MYO18B: variants seen among roughly 807,000 people sequenced by gnomAD.
The protein encoded by MYO18B is myosin XVIIIB.
In MYO18B, 204 loss-of-function variants were observed where a neutral mutation model predicts 273.0. The ratio of observed to expected loss-of-function variants is 0.75; its 90% CI spans 0.67 to 0.84. The LOEUF is 0.84. Among genes scored for constraint, MYO18B ranks in the 40% least tolerant of loss-of-function variants. The probability of loss-of-function intolerance (pLI) is 0.00; values close to 1 mark genes in which losing one functional copy is unlikely to be tolerated. For synonymous variants in MYO18B, 1,330 were observed against 1,305.7 expected, an observed-to-expected ratio of 1.02 and a Z score of -0.40; for missense variants, 3,212 against 3,287.6, an observed-to-expected ratio of 0.98 and a Z score of 0.56.
intron 7 of MYO18B, 30 bp from the exon 8 acceptor site, chr22:25,777,553 G>A (rs1040226538): frequency 1.3e-6 from 2 of 1,555,876 alleles, no homozygotes; most frequent in Non-Finnish European, 1.7e-6. Flanking sequence ...TGGCTGGATG[G>A]GATGGCTGAT....
At chr22:25,758,767 T>TC (rs940053047) in intron 1 of MYO18B, among the ~76,000 whole-genome samples, 3 of 151,730 alleles carry the variant, frequency 2.0e-5, no homozygotes, top group Non-Finnish European at 4.4e-5. Context: ...AGAATTTTTT[T>TC]TTTTTTTGGA....
intron 21 of MYO18B, among the ~76,000 whole-genome samples, chr22:25,860,217 T>A (rs2090691239): frequency 6.6e-6 from 1 of 152,216 alleles, no homozygotes; most frequent in Non-Finnish European, 1.5e-5. Flanking sequence ...TAGCATCTCT[T>A]TCTTTCTGCC....
chr22:25,748,027 T>C (rs539475575), intron 1 of MYO18B, among the ~76,000 whole-genome samples: 1 of 151,998 alleles, frequency 6.6e-6, no homozygotes, highest in Admixed American at 6.6e-5. Flanking sequence ...CTTTGCAGAG[T>C]GAAATGTCCA....
At chr22:26,023,897 G>A (rs137955894) in intron 42 of MYO18B, among the ~76,000 whole-genome samples, 127 of 152,310 alleles carry the variant, frequency 8.3e-4, no homozygotes, top group African/African-American at 3.0e-3. Context: ...CAATGAAGTT[G>A]ACAAATATAC....
chr22:26,034,985 G>A (rs1307400874), downstream of MYO18B, among the ~76,000 whole-genome samples: 3 of 152,214 alleles, frequency 2.0e-5, no homozygotes, highest in Admixed American at 1.3e-4. Flanking sequence ...ATGGTTTACT[G>A]TGGGGGACGG....
chr22:25,918,040 C>A (rs1156420307), intron 33 of MYO18B, among the ~76,000 whole-genome samples: 4 of 152,186 alleles, frequency 2.6e-5, no homozygotes, highest in Non-Finnish European at 5.9e-5. Context: ...TAAATGAGGT[C>A]TATATTATTT....
chr22:25,891,372 AATT>A lies in MYO18B; in HGVS notation c.4504_4506del (p.Ile1502del), dbSNP rs1302271189. The A allele has an allele frequency of 3.2e-6, 5 of 1,585,536 alleles. No individual in the cohort carries two copies. Among genetic ancestry groups the A allele is most frequent in the Non-Finnish European group, 4.3e-6 (5 of 1,165,742 alleles). On this transcript the variant is annotated inframe_deletion, in exon 27 of 44. Transcript: ENST00000335473. ...AACAGTTGGAAGAAGCCCAGCAGAA[AATT>A]CAGTTGAATGACTTGGAAAGGAATC... is the stretch of plus-strand genomic sequence containing the variant.
chr22:25,806,176 G>A (rs1019742532), intron 12 of MYO18B, among the ~76,000 whole-genome samples: 1 of 152,212 alleles, frequency 6.6e-6, no homozygotes, highest in African/African-American at 2.4e-5. Flanking sequence ...GCCCTGGAAT[G>A]GAGGTGCGAT....
rs367818164 is a variant in MYO18B, at chr22:25,992,401, C to A, written c.6195C>A (p.Thr2065=). The stretch of plus-strand genomic sequence containing the variant: ...AGGAACTTGCAGCAGTGAGGCAAAC[C>A]CTCCAGACAGACCTGGAGACATCCA... ...YVEELAAVRQ[T]LQTDLETSIR... is the part of the protein sequence containing the mutation. Residue 2065 remains threonine (T), a synonymous_variant, in exon 40 of 44, where the codon ACC becomes ACA. Transcript: ENST00000335473. 5.0e-6 allele frequency: 8 copies of A among 1,614,010 alleles called. No individual in the cohort carries two copies. Among genetic ancestry groups the A allele is most frequent in the Middle Eastern group, 1.6e-4 (1 of 6,062 alleles).
rs80021221 is a variant in MYO18B, at chr22:25,936,284, A to G, written c.5518-9853A>G. Among the ~76,000 whole-genome samples the G allele has an allele frequency of 6.4e-3, 973 of 152,324 alleles. 12 individuals are homozygous for G. Among genetic ancestry groups the G allele is most frequent in the African/African-American group, 0.022 (897 of 41,568 alleles). ...TCACCAGAGAGGAAGTCAGGATAGA[A>G]GCTTTTGAAGTCTGTTCAGTGGTGG... On this transcript the variant is annotated intron_variant, in intron 34 of 43. Coordinates refer to ENST00000335473, the MANE Select transcript of MYO18B (RefSeq NM_032608.7).
intron 39 of MYO18B, among the ~76,000 whole-genome samples, chr22:25,979,608 T>G (rs1385473418): frequency 6.6e-6 from 1 of 152,172 alleles, no homozygotes; most frequent in African/African-American, 2.4e-5. Flanking sequence ...TTTGCCCCTT[T>G]CTGAGGATGC....
At chr22:25,930,193 T>G (rs1331432537) in intron 34 of MYO18B, among the ~76,000 whole-genome samples, 1 of 152,164 alleles carries the variant, frequency 6.6e-6, no homozygotes, top group Non-Finnish European at 1.5e-5. Flanking sequence ...GCCCTCTTGG[T>G]CCTCCATGGG....
intron 43 of MYO18B, among the ~76,000 whole-genome samples, 153 bp from the exon 44 acceptor site, chr22:26,030,290 T>C (rs1936597311): frequency 6.6e-6 from 1 of 152,170 alleles, no homozygotes; most frequent in African/African-American, 2.4e-5. Context: ...AGCAGGAAGA[T>C]CACTTGAACC....
rs1771024172 is a variant in MYO18B, at chr22:25,766,759, G to A, written c.199-1356G>A. Among the ~76,000 whole-genome samples the A allele has an allele frequency of 2.6e-5, 4 of 152,210 alleles. No individual in the cohort carries two copies. The South Asian group carries it at 8.3e-4, about 31-fold the overall frequency. Reference sequence around the variant, plus strand: ...GTAGGGACAATATGGTCAGATTGGAGGCTGGGGTTCCTTGTTGAGGAATTT... The same window carrying A: ...GTAGGGACAATATGGTCAGATTGGAAGCTGGGGTTCCTTGTTGAGGAATTT... On this transcript the variant is annotated intron_variant, in intron 3 of 43. Transcript: ENST00000335473.
At chr22:26,051,885 A>G in the MYO18B span, among the ~76,000 whole-genome samples, 1 of 152,254 alleles carries the variant, frequency 6.6e-6, no homozygotes, top group African/African-American at 2.4e-5. Flanking sequence ...ACTTAAAAAC[A>G]TATTTTGAGG....
intron 1 of MYO18B, among the ~76,000 whole-genome samples, chr22:25,747,091 C>T (rs1335278451): frequency 6.6e-6 from 1 of 152,140 alleles, no homozygotes; most frequent in Admixed American, 6.6e-5. Flanking sequence ...CACTGTACTC[C>T]AGCCTGGGCA....
intron 31 of MYO18B, among the ~76,000 whole-genome samples, chr22:25,905,564 G>A (rs551044175): frequency 9.2e-5 from 14 of 152,308 alleles, no homozygotes; most frequent in African/African-American, 3.1e-4. Context: ...GAAGCTGGAG[G>A]ATGAATCAGA....
chr22:25,929,055 A>T (rs5752245), intron 34 of MYO18B, among the ~76,000 whole-genome samples: 25 of 151,306 alleles, frequency 1.7e-4, no homozygotes, highest in East Asian at 9.9e-4. Flanking sequence ...CCAGCTACTC[A>T]GGAGGCTGAG....
At chr22:26,060,840 AATATACAC>A in the MYO18B span, among the ~76,000 whole-genome samples, 1 of 78,488 alleles carries the variant, frequency 1.3e-5, no homozygotes, top group African/African-American at 4.8e-5. Flanking sequence ...ACATATACAC[AATATACAC>A]ATATACATAT....
Sources: allele counts gnomAD v4.1 joint callset (sites outside exome capture counted in the v4.1 genomes callset), GRCh38; gene constraint gnomAD v4.1.1; transcripts MANE v1.5; gene names NCBI Gene and HGNC (gene_info 2026-07-23, HGNC 2026-07-21).